The following GALK2 variants were observed in gnomAD, a reference collection of about 807,000 sequenced individuals.
GALK2 encodes the protein galactokinase 2, also known as N-acetylgalactosamine kinase.
GALK2 carries 36 observed loss-of-function variants against 52.4 expected under a neutral mutation model. The observed-to-expected ratio is 0.69, with a 90% CI of 0.53 to 0.91. The LOEUF (loss-of-function observed/expected upper bound fraction) is 0.91. Ranked by LOEUF, GALK2 falls within the 40% of genes least tolerant of loss-of-function variation. The pLI, the probability that GALK2 is intolerant of heterozygous loss-of-function variation, is 0.00. For synonymous variants in GALK2, 176 were observed against 199.1 expected, an observed-to-expected ratio of 0.88 and a Z score of 0.98; for missense variants, 579 against 559.1, an observed-to-expected ratio of 1.04 and a Z score of -0.36.
chr15:49,176,988 T>G (rs2085512639), intron 1 of GALK2, among the ~76,000 whole-genome samples: 1 of 152,174 alleles, frequency 6.6e-6, no homozygotes, highest in Admixed American at 6.5e-5. Context: ...TTCTTTATTT[T>G]TAAACTCTTG....
intron 8 of GALK2, among the ~76,000 whole-genome samples, chr15:49,303,052 G>A (rs1239328712): frequency 1.3e-5 from 2 of 151,924 alleles, no homozygotes; most frequent in African/African-American, 2.4e-5. Flanking sequence ...CTCTCTGCCT[G>A]GTCACTTCCT....
At chr15:49,277,401 C>T (rs1425716029) in intron 5 of GALK2, among the ~76,000 whole-genome samples, 1 of 144,060 alleles carries the variant, frequency 6.9e-6, no homozygotes. Context: ...ATCTCCTGAC[C>T]TCGTGATCCG....
chr15:49,170,691 TC>T (rs1429795308), intron 1 of GALK2: 56 of 268,404 alleles, frequency 2.1e-4, no homozygotes, highest in Non-Finnish European at 3.6e-4. Flanking sequence ...ACTGAACTCC[TC>T]TCTTTGTCTC....
chr15:49,166,485 G>A (rs181755991), upstream of GALK2, among the ~76,000 whole-genome samples: 32 of 152,222 alleles, frequency 2.1e-4, no homozygotes, highest in Admixed American at 3.3e-4. Context: ...TTGGGAGGCC[G>A]AGGCAGGTGG....
chr15:49,225,077 G>T, intron 3 of GALK2: 1 of 359,234 alleles, frequency 2.8e-6, no homozygotes, highest in Non-Finnish European at 5.5e-6. Context: ...TTGTATTTCA[G>T]TGCATTTGCA....
intron 3 of GALK2, among the ~76,000 whole-genome samples, chr15:49,355,727 G>A (rs1054836026): frequency 1.7e-4 from 26 of 150,826 alleles, no homozygotes; most frequent in Non-Finnish European, 3.6e-4. Context: ...TCAGATTCAG[G>A]AAATACAGAG....
chr15:49,263,744 A>T, intron 5 of GALK2, among the ~76,000 whole-genome samples: 1 of 119,346 alleles, frequency 8.4e-6, no homozygotes, highest in Non-Finnish European at 1.8e-5. Flanking sequence ...TTCCTTCAGG[A>T]GCTCTTGTAA....
chr15:49,271,079 G>T (rs2030497867), intron 5 of GALK2, among the ~76,000 whole-genome samples: 1 of 152,102 alleles, frequency 6.6e-6, no homozygotes, highest in African/African-American at 2.4e-5. Flanking sequence ...TTGTAAGCCT[G>T]CCGCCCATCC....
At chr15:49,195,866 G>C (rs1395492551) in intron 1 of GALK2, among the ~76,000 whole-genome samples, 1 of 151,912 alleles carries the variant, frequency 6.6e-6, no homozygotes, top group Non-Finnish European at 1.5e-5. Context: ...AGGGGAAAGA[G>C]GGAGAGTTAA....
chr15:49,235,641 G>A (rs781607991), intron 3 of GALK2: 33 of 694,204 alleles, frequency 4.8e-5, no homozygotes, highest in African/African-American at 4.0e-4. Context: ...AAAAGGGTCA[G>A]TTGGAGGTAG....
At chr15:49,286,403 C>T (rs937455798) in intron 7 of GALK2, among the ~76,000 whole-genome samples, 3 of 152,234 alleles carry the variant, frequency 2.0e-5, no homozygotes, top group Non-Finnish European at 4.4e-5. Context: ...TGGCCTAGAT[C>T]CTGTGGAGGT....
intron 8 of GALK2, among the ~76,000 whole-genome samples, chr15:49,308,437 GATAA>G (rs1476813019): frequency 2.0e-5 from 3 of 152,158 alleles, no homozygotes; most frequent in Admixed American, 2.0e-4. Context: ...ACACGTACAT[GATAA>G]AGATTTCCAG....
downstream of GALK2, chr15:49,334,211 G>A (rs1047401732): frequency 3.1e-6 from 3 of 977,204 alleles, no homozygotes; most frequent in African/African-American, 5.3e-5. Context: ...CTGAATAAGA[G>A]ACAAACCTAT....
intron 8 of GALK2, among the ~76,000 whole-genome samples, chr15:49,295,099 A>G (rs1435639895): frequency 6.6e-6 from 1 of 152,104 alleles, no homozygotes; most frequent in Non-Finnish European, 1.5e-5. Flanking sequence ...AGACTGTAAA[A>G]TAGAATTCAG....
chr15:49,205,500 A>C (rs894169265), intron 2 of GALK2, among the ~76,000 whole-genome samples: 1 of 152,008 alleles, frequency 6.6e-6, no homozygotes, highest in East Asian at 1.9e-4. Context: ...GCATTTTTCC[A>C]TATGTTTGTT....
chr15:49,176,667 T>C (rs1280207938), intron 1 of GALK2, among the ~76,000 whole-genome samples: 1 of 152,230 alleles, frequency 6.6e-6, no homozygotes, highest in African/African-American at 2.4e-5. Context: ...ATTACCTTCA[T>C]ATTCCTGGAA....
At chr15:49,209,974 C>T (rs890248571) in intron 2 of GALK2, among the ~76,000 whole-genome samples, 1 of 152,156 alleles carries the variant, frequency 6.6e-6, no homozygotes, top group African/African-American at 2.4e-5. Flanking sequence ...AGCATTTCTT[C>T]GTTGGGAGAC....
intron 3 of GALK2, among the ~76,000 whole-genome samples, chr15:49,227,660 T>C (rs1037885011): frequency 6.6e-6 from 1 of 152,080 alleles, no homozygotes; most frequent in African/African-American, 2.4e-5. Flanking sequence ...TGGGAGGGCT[T>C]ATTCCTGTCA....
chr15:49,203,149 C>T (rs983173219), intron 2 of GALK2, among the ~76,000 whole-genome samples: 16 of 152,208 alleles, frequency 1.1e-4, no homozygotes, highest in South Asian at 4.1e-4. Flanking sequence ...CTCCTGGGTT[C>T]GAGCAATTCT....
Sources: allele counts gnomAD v4.1 joint callset (sites outside exome capture counted in the v4.1 genomes callset), GRCh38; gene constraint gnomAD v4.1.1; transcripts MANE v1.5; gene names NCBI Gene and HGNC (gene_info 2026-07-23, HGNC 2026-07-21).